Variants in CHRM5 observed in about 807,000 individuals in gnomAD.
CHRM5 encodes the protein muscarinic acetylcholine receptor M5.
CHRM5 carries 18 observed loss-of-function variants against 39.0 expected under a neutral mutation model. The ratio of observed to expected loss-of-function variants is 0.46; its 90% CI spans 0.32 to 0.68. The LOEUF (loss-of-function observed/expected upper bound fraction) is 0.68, where lower values mean the gene tolerates loss of function less well. Ranked by LOEUF, CHRM5 falls within the 30% of genes least tolerant of loss-of-function variation. The probability of loss-of-function intolerance (pLI) is 0.04; values close to 1 mark genes in which losing one functional copy is unlikely to be tolerated. For missense variants in CHRM5, 515 were observed against 651.1 expected, an observed-to-expected ratio of 0.79 and a Z score of 2.28; for synonymous variants, 241 against 246.3, an observed-to-expected ratio of 0.98 and a Z score of 0.20.
In CHRM5 at chr15:34,031,580, G is replaced by T. The variant is rs867868430; in HGVS notation, c.-407-14960G>T. On this transcript the variant is annotated intron_variant, in intron 1 of 2. Coordinates refer to ENST00000383263, the MANE Select transcript of CHRM5 (RefSeq NM_012125.4). ...TCGTATCAGTCCTTAATGGCAAGAG[G>T]ACTCAAAGGTAGAATTAAGTTTTTA... is the stretch of plus-strand genomic sequence containing the variant. 3.9e-5 allele frequency among the ~76,000 whole-genome samples: 6 copies of T among 152,282 alleles called. No homozygotes were observed. The South Asian group carries it at 6.2e-4, about 16-fold the overall frequency.
chr15:34,023,812 A>G (rs1898317099), intron 1 of CHRM5, among the ~76,000 whole-genome samples: 1 of 152,208 alleles, frequency 6.6e-6, no homozygotes, highest in Admixed American at 6.5e-5. Flanking sequence ...TCAGGCTGTG[A>G]AGGGCATCAA....
At chr15:33,999,151 A>G (rs1897047787) in intron 1 of CHRM5, among the ~76,000 whole-genome samples, 1 of 152,154 alleles carries the variant, frequency 6.6e-6, no homozygotes, top group Admixed American at 6.5e-5. Flanking sequence ...AGTAGGTTAG[A>G]CTTATGGAAG....
intron 1 of CHRM5, among the ~76,000 whole-genome samples, chr15:34,011,236 G>A (rs1003128613): frequency 3.9e-5 from 6 of 152,062 alleles, no homozygotes; most frequent in Non-Finnish European, 7.4e-5. Flanking sequence ...AGGAAAAAAA[G>A]GCAGGGGGAA....
chr15:34,037,124 A>T (rs77183077), intron 1 of CHRM5, among the ~76,000 whole-genome samples: 78,798 of 150,646 alleles, frequency 0.52, 22,415 homozygotes, highest in Non-Finnish European at 0.65. Context: ...AAAAAAAAAA[A>T]ATATATACCA....
intron 1 of CHRM5, among the ~76,000 whole-genome samples, chr15:33,971,392 C>A (rs1485052903): frequency 6.6e-6 from 1 of 151,872 alleles, no homozygotes; most frequent in Non-Finnish European, 1.5e-5. Flanking sequence ...ATAATAATAC[C>A]TATTGCTATA....
At chr15:33,981,185 A>G (rs1896127632) in intron 1 of CHRM5, among the ~76,000 whole-genome samples, 1 of 152,226 alleles carries the variant, frequency 6.6e-6, no homozygotes, top group Non-Finnish European at 1.5e-5. Context: ...AAAAATATTA[A>G]CAGCGATGCC....
intron 2 of CHRM5, among the ~76,000 whole-genome samples, chr15:34,061,426 T>G (rs543324858): frequency 6.6e-6 from 1 of 152,350 alleles, no homozygotes; most frequent in African/African-American, 2.4e-5. Flanking sequence ...GATAATTCAT[T>G]TGTTAAGTAA....
chr15:34,007,621 C>T (rs1168768885), intron 1 of CHRM5, among the ~76,000 whole-genome samples: 1 of 152,192 alleles, frequency 6.6e-6, no homozygotes, highest in African/African-American at 2.4e-5. Context: ...AATTCCAAAG[C>T]CACTTCCACA....
At chr15:34,045,427 C>G (rs1475695077) in intron 1 of CHRM5, among the ~76,000 whole-genome samples, 1 of 152,190 alleles carries the variant, frequency 6.6e-6, no homozygotes, top group East Asian at 1.9e-4. Flanking sequence ...AATGCAAGTC[C>G]AGAACCTCCC....
rs571171055 is a variant in CHRM5, at chr15:34,039,757, TTCATTC to T, written c.-407-6778_-407-6773del. Among the ~76,000 whole-genome samples, 126 of 152,284 alleles carry T rather than the reference TTCATTC, an allele frequency of 8.3e-4. 1 individual carries two copies. Among genetic ancestry groups the T allele is most frequent in the African/African-American group, 2.9e-3 (121 of 41,558 alleles). On this transcript the variant is annotated intron_variant, in intron 1 of 2. Coordinates refer to ENST00000383263, the MANE Select transcript of CHRM5 (RefSeq NM_012125.4). ...TGACATTTATTGAGCACATGAGTAT[TTCATTC>T]TCATAACAGCTCTATGAGGTAGGGA...
chr15:33,980,508 T>C (rs1010630637), intron 1 of CHRM5, among the ~76,000 whole-genome samples: 14 of 152,312 alleles, frequency 9.2e-5, no homozygotes, highest in Admixed American at 7.8e-4. Context: ...TGGCCATATA[T>C]GACATGAGCA....
intron 2 of CHRM5, among the ~76,000 whole-genome samples, chr15:34,061,402 A>AC (rs5811816): frequency 0.96 from 146,764 of 152,262 alleles, 70,957 homozygotes; most frequent in East Asian, 1. Flanking sequence ...ATGTACTGAT[A>AC]AAAAGCTGTC....
intron 1 of CHRM5, among the ~76,000 whole-genome samples, chr15:34,011,769 A>C (rs1418467238): frequency 6.6e-6 from 1 of 152,144 alleles, no homozygotes; most frequent in African/African-American, 2.4e-5. Context: ...TTTGCTTCCA[A>C]GTCGGCTAAA....
At chr15:33,998,926 A>G (rs568325339) in intron 1 of CHRM5, among the ~76,000 whole-genome samples, 2 of 152,214 alleles carry the variant, frequency 1.3e-5, no homozygotes, top group Non-Finnish European at 2.9e-5. Flanking sequence ...TATCATCTAT[A>G]GGCTGGCATC....
chr15:33,970,869 G>T (rs1445237470), intron 1 of CHRM5, among the ~76,000 whole-genome samples: 3 of 151,886 alleles, frequency 2.0e-5, no homozygotes, highest in Non-Finnish European at 4.4e-5. Context: ...GACAATGGCT[G>T]GGCAAATGAA....
chr15:34,027,332 T>C lies in CHRM5; in HGVS notation c.-407-19208T>C, dbSNP rs571368349. On this transcript the variant is annotated intron_variant, in intron 1 of 2. Transcript: ENST00000383263. ...GAGTTCAAAACCAGCCTGGCCAACA[T>C]GGCGAAACTCTGTCTCTACTAAAAA... 6.5e-4 allele frequency among the ~76,000 whole-genome samples: 98 copies of C among 151,870 alleles called. 1 individual carries two copies. In the South Asian group the frequency reaches 0.019, roughly 29 times the overall value.
At chr15:34,026,645 C>G (rs1427236333) in intron 1 of CHRM5, among the ~76,000 whole-genome samples, 2 of 151,946 alleles carry the variant, frequency 1.3e-5, no homozygotes, top group Non-Finnish European at 2.9e-5. Flanking sequence ...ACAATCAGAA[C>G]AAGGATCACT....
At chr15:33,990,121 T>C (rs898612968) in intron 1 of CHRM5, among the ~76,000 whole-genome samples, 5 of 151,938 alleles carry the variant, frequency 3.3e-5, no homozygotes, top group Admixed American at 1.3e-4. Context: ...GGAGAATCAC[T>C]TGAACCTGGG....
chr15:33,968,544 T>A lies in CHRM5; in HGVS notation c.-1014T>A. Among the ~76,000 whole-genome samples, 1 of 152,130 alleles carries A rather than the reference T, an allele frequency of 6.6e-6. No homozygotes were observed. Among genetic ancestry groups the A allele is most frequent in the Non-Finnish European group, 1.5e-5 (1 of 67,970 alleles). ...GTCCAGAGACATGATAAAGCCGTAC[T>A]TCCTTCTGGATTTTTACCTCACTAT... On this transcript the variant is annotated 5_prime_UTR_variant, in exon 1 of 3. Transcript: ENST00000383263.
Sources: allele counts gnomAD v4.1 joint callset (sites outside exome capture counted in the v4.1 genomes callset), GRCh38; gene constraint gnomAD v4.1.1; transcripts MANE v1.5; gene names NCBI Gene and HGNC (gene_info 2026-07-23, HGNC 2026-07-21).